PPP1R12B: variants seen among roughly 807,000 people sequenced by gnomAD.
PPP1R12B encodes the protein protein phosphatase 1 regulatory subunit 12B, also known as myosin phosphatase target subunit 2.
In PPP1R12B, 76 loss-of-function variants were observed where a neutral mutation model predicts 126.1. That is an observed-to-expected ratio of 0.60 (90% CI 0.50 to 0.73). The LOEUF is 0.73. Among genes scored for constraint, PPP1R12B ranks in the 30% least tolerant of loss-of-function variants. The pLI is 0.00. For missense variants in PPP1R12B, 1,052 were observed against 1,205.1 expected, an observed-to-expected ratio of 0.87 and a Z score of 1.88; for synonymous variants, 356 against 434.7, an observed-to-expected ratio of 0.82 and a Z score of 2.25.
chr1:202,499,077 G>T (rs1215406551), intron 18 of PPP1R12B, among the ~76,000 whole-genome samples: 1 of 151,860 alleles, frequency 6.6e-6, no homozygotes, highest in Non-Finnish European at 1.5e-5. Context: ...TTTGACACTT[G>T]TATGTACCAG....
chr1:202,466,539 C>T (rs1265174574), intron 13 of PPP1R12B, among the ~76,000 whole-genome samples: 1 of 151,820 alleles, frequency 6.6e-6, no homozygotes, highest in Non-Finnish European at 1.5e-5. Flanking sequence ...CCTAGCTGAC[C>T]TCATCCATTC....
chr1:202,352,367 G>C (rs1195867122), intron 1 of PPP1R12B, among the ~76,000 whole-genome samples: 4 of 152,198 alleles, frequency 2.6e-5, no homozygotes, highest in African/African-American at 4.8e-5. Context: ...AATTATTGCT[G>C]TGGGAAGAGG....
intron 18 of PPP1R12B, among the ~76,000 whole-genome samples, chr1:202,540,417 G>A (rs971109472): frequency 6.6e-6 from 1 of 152,132 alleles, no homozygotes; most frequent in African/African-American, 2.4e-5. Context: ...AAGAGGTTAT[G>A]GTTCATAATA....
In PPP1R12B at chr1:202,438,352, A is replaced by G. The variant is rs2148682582; in HGVS notation, c.1458+328A>G. The G allele has an allele frequency of 1.3e-5, 13 of 996,858 alleles. No homozygotes were observed. In the South Asian group the frequency reaches 1.4e-4, roughly 11 times the overall value. The allele number at this position is 996,858 out of a possible 1,614,324, so 61.8% of individuals were successfully genotyped here. On this transcript the variant is annotated intron_variant, in intron 10 of 23. Transcript: ENST00000608999. Reference sequence around the variant, plus strand: ...CGGAGGGGGGCACAGGACCCCAGGTAGGGGTCCTGGATCCAGAGGGCCAAT... The same window carrying G: ...CGGAGGGGGGCACAGGACCCCAGGTGGGGGTCCTGGATCCAGAGGGCCAAT...
At chr1:202,511,532 C>T (rs540754056) in intron 18 of PPP1R12B, among the ~76,000 whole-genome samples, 1 of 151,914 alleles carries the variant, frequency 6.6e-6, no homozygotes, top group East Asian at 1.9e-4. Flanking sequence ...AGTCTTTTAT[C>T]CCTCATCCCC....
intron 1 of PPP1R12B, among the ~76,000 whole-genome samples, chr1:202,360,275 G>A (rs1264769157): frequency 6.6e-6 from 1 of 152,096 alleles, no homozygotes; most frequent in Non-Finnish European, 1.5e-5. Flanking sequence ...GGCCATTGAT[G>A]GCCTGCAAAA....
chr1:202,368,428 G>A (rs1213778856), intron 1 of PPP1R12B, among the ~76,000 whole-genome samples: 1 of 152,158 alleles, frequency 6.6e-6, no homozygotes, highest in Non-Finnish European at 1.5e-5. Flanking sequence ...TGCTTGTGCA[G>A]CCTGCAGAAT....
intron 14 of PPP1R12B, among the ~76,000 whole-genome samples, chr1:202,491,212 C>T (rs1678841376): frequency 6.6e-6 from 1 of 151,856 alleles, no homozygotes; most frequent in Non-Finnish European, 1.5e-5. Flanking sequence ...GCAACTTCTG[C>T]CTCAGGGTTC....
At chr1:202,572,596 A>G (rs1357933695) in intron 23 of PPP1R12B, among the ~76,000 whole-genome samples, 3 of 152,148 alleles carry the variant, frequency 2.0e-5, no homozygotes, top group Non-Finnish European at 2.9e-5. Flanking sequence ...ACAGGTGTGC[A>G]TGTCAGTGTG....
chr1:202,421,246 G>T (rs1472909081), intron 2 of PPP1R12B, among the ~76,000 whole-genome samples: 1 of 151,374 alleles, frequency 6.6e-6, no homozygotes, highest in East Asian at 1.9e-4. Context: ...ACTGCGTTTG[G>T]CTCCATCTGC....
chr1:202,554,449 G>A (rs963445620), intron 18 of PPP1R12B, among the ~76,000 whole-genome samples: 3 of 152,134 alleles, frequency 2.0e-5, no homozygotes, highest in Admixed American at 2.0e-4. Flanking sequence ...AATCTCTGAG[G>A]TTTTAGGAGA....
chr1:202,355,459 T>C (rs1163849059), intron 1 of PPP1R12B, among the ~76,000 whole-genome samples: 3 of 152,140 alleles, frequency 2.0e-5, no homozygotes, highest in Non-Finnish European at 4.4e-5. Flanking sequence ...TCCAGGATGG[T>C]AGAGCAGCAT....
chr1:202,517,654 C>T (rs1190002158), intron 18 of PPP1R12B, among the ~76,000 whole-genome samples: 3 of 150,210 alleles, frequency 2.0e-5, no homozygotes, highest in African/African-American at 7.3e-5. Flanking sequence ...GAGACAGAGT[C>T]TTGCTCTGCC....
chr1:202,358,776 G>A (rs775518982), intron 1 of PPP1R12B, among the ~76,000 whole-genome samples: 15 of 151,932 alleles, frequency 9.9e-5, no homozygotes, highest in Non-Finnish European at 1.9e-4. Context: ...TTATAGTTAT[G>A]GAATAGGTTT....
intron 18 of PPP1R12B, among the ~76,000 whole-genome samples, chr1:202,544,467 T>C (rs1229489593): frequency 6.6e-6 from 1 of 152,162 alleles, no homozygotes; most frequent in African/African-American, 2.4e-5. Flanking sequence ...CAATGCAGGG[T>C]ATATTTAAAG....
intron 13 of PPP1R12B, among the ~76,000 whole-genome samples, chr1:202,466,171 A>G (rs369953742): frequency 1.3e-5 from 2 of 152,192 alleles, no homozygotes; most frequent in African/African-American, 4.8e-5. Flanking sequence ...CAGTCTTCCA[A>G]TTTCACTTTA....
chr1:202,376,755 ATATT>A (rs1661240185), intron 1 of PPP1R12B, among the ~76,000 whole-genome samples: 3 of 152,126 alleles, frequency 2.0e-5, no homozygotes. Flanking sequence ...TATAATATAA[ATATT>A]AAATAATAGG....
rs1670088355 is a variant in PPP1R12B, at chr1:202,430,746, G to C, written c.937G>C (p.Glu313Gln). The C allele has an allele frequency of 6.2e-7, 1 of 1,612,658 alleles. No individual in the cohort carries two copies. The highest frequency in any genetic ancestry group is 2.2e-5 in the East Asian group (1 of 44,820). ...CCATTTCCAGCTTCGAAGTGAAAAGGAGACACGGAATAAACTCATTGAGTC... is the reference window on the plus strand; with the variant it reads ...CCATTTCCAGCTTCGAAGTGAAAAGCAGACACGGAATAAACTCATTGAGTC... ...KKQNVLRSEK[E>Q]TRNKLIESDL... Residue 313 changes from glutamate (E) to glutamine (Q), a missense_variant, in exon 7 of 24, where the codon GAG becomes CAG. Coordinates refer to ENST00000608999, the MANE Select transcript of PPP1R12B (RefSeq NM_002481.4).
At chr1:202,575,867 G>A (rs1029893556) in intron 23 of PPP1R12B, 3 of 152,136 alleles carry the variant, frequency 2.0e-5, no homozygotes, top group Non-Finnish European at 2.9e-5. Flanking sequence ...CAACATTACC[G>A]ATGGAGAGGA....
Sources: gnomAD v4.1 joint callset for allele counts (sites outside exome capture counted in the v4.1 genomes callset) on GRCh38, gnomAD v4.1.1 for gene constraint, MANE v1.5 for transcripts, NCBI Gene and HGNC (gene_info 2026-07-23, HGNC 2026-07-21) for gene names.